The following ASIC2 variants were observed in gnomAD, a reference collection of about 807,000 sequenced individuals.
ASIC2 encodes the protein acid-sensing ion channel 2.
A neutral mutation model predicts 57.3 loss-of-function variants in ASIC2; 25 were observed. That is an observed-to-expected ratio of 0.44 (90% CI 0.32 to 0.61). ASIC2 has a LOEUF of 0.61. ASIC2 is among the 20% of genes least tolerant of loss of function. ASIC2 has a pLI of 0.06. For missense variants in ASIC2, 641 were observed against 738.1 expected, an observed-to-expected ratio of 0.87 and a Z score of 1.52; for synonymous variants, 319 against 307.5, an observed-to-expected ratio of 1.04 and a Z score of -0.39.
intron 1 of ASIC2, among the ~76,000 whole-genome samples, chr17:33,679,198 T>A (rs1457345238): frequency 6.6e-6 from 1 of 152,178 alleles, no homozygotes; most frequent in East Asian, 1.9e-4. Flanking sequence ...TGAGCTTGGA[T>A]TACCTCCTTT....
At chr17:33,468,157 A>T (rs1254421333) in intron 1 of ASIC2, among the ~76,000 whole-genome samples, 2 of 152,210 alleles carry the variant, frequency 1.3e-5, no homozygotes, top group Non-Finnish European at 2.9e-5. Context: ...GAAGCAGAGG[A>T]ACTCATAAAT....
At chr17:34,062,649 T>A (rs139037534) in intron 1 of ASIC2, among the ~76,000 whole-genome samples, 107 of 151,350 alleles carry the variant, frequency 7.1e-4, no homozygotes, top group African/African-American at 2.5e-3. Flanking sequence ...AAGAATAGAG[T>A]AAATCCAAAT....
At chr17:34,008,147 A>C (rs1906592203) in intron 1 of ASIC2, among the ~76,000 whole-genome samples, 1 of 152,250 alleles carries the variant, frequency 6.6e-6, no homozygotes, top group South Asian at 2.1e-4. Flanking sequence ...TGATGCATAC[A>C]TTTAACCATT....
chr17:34,121,463 A>ACC (rs1911617918), intron 1 of ASIC2, among the ~76,000 whole-genome samples: 1 of 151,904 alleles, frequency 6.6e-6, no homozygotes, highest in African/African-American at 2.4e-5. Context: ...CCACCATCAC[A>ACC]CCCTTAGTTC....
At chr17:34,042,033 A>C (rs561833453) in intron 1 of ASIC2, among the ~76,000 whole-genome samples, 36 of 152,352 alleles carry the variant, frequency 2.4e-4, no homozygotes, top group African/African-American at 8.7e-4. Context: ...TCACACGAAG[A>C]TTCCACTGCA....
rs115753018 is a variant in ASIC2, at chr17:33,433,908, T to G, written c.556-321841A>C. Among the ~76,000 whole-genome samples, 261 of 147,662 alleles carry G rather than the reference T, an allele frequency of 1.8e-3. 1 individual carries two copies. Among genetic ancestry groups the G allele is most frequent in the African/African-American group, 6.0e-3 (239 of 39,794 alleles). The stretch of plus-strand genomic sequence containing the variant: ...AACAATGGCTTAGGGAGTCAAAAAG[T>G]ATATGCAGATTTCCACTACATGAGG... On this transcript the variant is annotated intron_variant, in intron 1 of 9. Coordinates refer to the ASIC2 transcript ENST00000359872.
intron 1 of ASIC2, among the ~76,000 whole-genome samples, chr17:33,849,837 A>T (rs1913715783): frequency 6.6e-6 from 1 of 152,180 alleles, no homozygotes; most frequent in Non-Finnish European, 1.5e-5. Flanking sequence ...CTTTTTTCAA[A>T]GGAGGAAGCT....
intron 1 of ASIC2, among the ~76,000 whole-genome samples, chr17:33,412,951 C>T (rs980978668): frequency 2.6e-5 from 4 of 152,136 alleles, no homozygotes; most frequent in Non-Finnish European, 2.9e-5. Context: ...ACCTGCTGCC[C>T]ACAGCAAAGC....
chr17:33,759,368 T>C (rs1910711147), intron 1 of ASIC2, among the ~76,000 whole-genome samples: 1 of 152,136 alleles, frequency 6.6e-6, no homozygotes, highest in African/African-American at 2.4e-5. Flanking sequence ...TAACTTCTTA[T>C]GGTGAACTGC....
At chr17:33,974,235 A>G (rs1238913028) in intron 1 of ASIC2, among the ~76,000 whole-genome samples, 3 of 152,104 alleles carry the variant, frequency 2.0e-5, no homozygotes, top group African/African-American at 7.2e-5. Flanking sequence ...CCTTTCCTGA[A>G]TAGGTGACCA....
chr17:33,641,354 G>C (rs984661919), intron 1 of ASIC2, among the ~76,000 whole-genome samples: 1 of 152,156 alleles, frequency 6.6e-6, no homozygotes, highest in South Asian at 2.1e-4. Context: ...CACAGCACAC[G>C]CTCAGCATAT....
At chr17:33,030,326 C>G (rs2141905546) in intron 3 of ASIC2, among the ~76,000 whole-genome samples, 1 of 152,262 alleles carries the variant, frequency 6.6e-6, no homozygotes, top group Admixed American at 6.5e-5. Context: ...TTGTTATAAA[C>G]TAGATTTGCC....
intron 1 of ASIC2, among the ~76,000 whole-genome samples, chr17:33,762,677 C>T (rs1041504241): frequency 2.0e-5 from 3 of 152,218 alleles, no homozygotes; most frequent in African/African-American, 4.8e-5. Flanking sequence ...AATGGATACA[C>T]GACTCAGTCC....
chr17:33,879,617 G>C (rs978244195), intron 1 of ASIC2, among the ~76,000 whole-genome samples: 1 of 152,164 alleles, frequency 6.6e-6, no homozygotes, highest in African/African-American at 2.4e-5. Context: ...AGTCCTTAGA[G>C]ACCTACAAAG....
chr17:33,822,110 C>T (rs1007547943), intron 1 of ASIC2, among the ~76,000 whole-genome samples: 1 of 152,164 alleles, frequency 6.6e-6, no homozygotes, highest in Admixed American at 6.5e-5. Flanking sequence ...ATGACATAAC[C>T]TACTTCCTGG....
intron 1 of ASIC2, among the ~76,000 whole-genome samples, chr17:33,268,349 C>CCGTCTTTCCAT (rs1308491852): frequency 3.6e-5 from 3 of 83,044 alleles, no homozygotes; most frequent in African/African-American, 1.5e-4. Context: ...CATCATCCAT[C>CCGTCTTTCCAT]CATCCATCCA....
chr17:33,912,517 A>G (rs1399197777), intron 1 of ASIC2, among the ~76,000 whole-genome samples: 3 of 152,026 alleles, frequency 2.0e-5, no homozygotes, highest in Non-Finnish European at 4.4e-5. Flanking sequence ...TAAAAAAATA[A>G]AAATAGTAAA....
chr17:33,377,468 G>T (rs1299091628), intron 1 of ASIC2, among the ~76,000 whole-genome samples: 1 of 152,156 alleles, frequency 6.6e-6, no homozygotes, highest in Non-Finnish European at 1.5e-5. Flanking sequence ...GCTCTCACTG[G>T]CTTCTCATTG....
chr17:33,986,806 C>T (rs749160704), intron 1 of ASIC2, among the ~76,000 whole-genome samples: 2 of 152,080 alleles, frequency 1.3e-5, no homozygotes, highest in African/African-American at 2.4e-5. Context: ...GATTAAGTAG[C>T]TTACAGAGCT....
Sources: allele counts gnomAD v4.1 joint callset (sites outside exome capture counted in the v4.1 genomes callset), GRCh38; gene constraint gnomAD v4.1.1; transcripts MANE v1.5; gene names NCBI Gene and HGNC (gene_info 2026-07-23, HGNC 2026-07-21).